Variants in CA10 observed in about 807,000 individuals in gnomAD.
CA10 encodes carbonic anhydrase 10 (inactive).
In CA10, 14 loss-of-function variants were observed where a neutral mutation model predicts 44.2. The ratio of observed to expected loss-of-function variants is 0.32; its 90% CI spans 0.21 to 0.50. The LOEUF (loss-of-function observed/expected upper bound fraction) is 0.50. Among genes scored for constraint, CA10 ranks in the 20% least tolerant of loss-of-function variants. The pLI is 0.99. For synonymous variants in CA10, 159 were observed against 141.6 expected (o/e 1.12, Z -0.87); for missense variants, 350 against 409.7 (o/e 0.85, Z 1.26).
chr17:51,876,026 A>G (rs1980055432), intron 3 of CA10, among the ~76,000 whole-genome samples: 1 of 152,134 alleles, frequency 6.6e-6, no homozygotes, highest in Admixed American at 6.5e-5. Flanking sequence ...ATCCCATTGC[A>G]TGGGGACCAT....
intron 3 of CA10, among the ~76,000 whole-genome samples, chr17:51,849,802 A>G (rs1978708150): frequency 6.6e-6 from 1 of 152,208 alleles, no homozygotes; most frequent in Non-Finnish European, 1.5e-5. Flanking sequence ...GCAATGAGAT[A>G]TCACAGCCGC....
At chr17:51,817,497 C>A (rs183139995) in intron 3 of CA10, among the ~76,000 whole-genome samples, 1 of 152,246 alleles carries the variant, frequency 6.6e-6, no homozygotes, top group East Asian at 1.9e-4. Flanking sequence ...AGGATGCTAC[C>A]CTCCTCAGGC....
intron 4 of CA10, among the ~76,000 whole-genome samples, chr17:51,667,613 C>A (rs1244333697): frequency 6.6e-6 from 1 of 151,746 alleles, no homozygotes; most frequent in African/African-American, 2.4e-5. Flanking sequence ...CTTCCTGCTG[C>A]ACTCTGTGTG....
chr17:51,851,995 C>A (rs1042467393), intron 3 of CA10, among the ~76,000 whole-genome samples: 1 of 152,170 alleles, frequency 6.6e-6, no homozygotes, highest in Non-Finnish European at 1.5e-5. Context: ...GAAGTCCACA[C>A]ATAATAAAGA....
chr17:51,998,792 T>C (rs572778355), intron 2 of CA10, among the ~76,000 whole-genome samples: 1 of 152,142 alleles, frequency 6.6e-6, no homozygotes, highest in East Asian at 2.0e-4. Context: ...AGAATAATTC[T>C]CAGTAATAAT....
intron 1 of CA10, among the ~76,000 whole-genome samples, chr17:52,075,338 AT>A (rs1987791015): frequency 6.6e-6 from 1 of 152,198 alleles, no homozygotes; most frequent in East Asian, 1.9e-4. Context: ...AGATTCCAGA[AT>A]CCACAAGTGG....
At chr17:52,135,803 T>C (rs1399043578) in intron 1 of CA10, among the ~76,000 whole-genome samples, 2 of 152,196 alleles carry the variant, frequency 1.3e-5, no homozygotes, top group Non-Finnish European at 2.9e-5. Flanking sequence ...GGGGTCTTCT[T>C]AAAGCATAAC....
chr17:51,924,094 C>A (rs989303618), intron 3 of CA10, among the ~76,000 whole-genome samples: 3 of 152,010 alleles, frequency 2.0e-5, no homozygotes, highest in African/African-American at 7.3e-5. Context: ...AAGTAAGGTG[C>A]TTAAGAAGCC....
chr17:51,901,408 C>T (rs539740978), intron 3 of CA10, among the ~76,000 whole-genome samples: 1 of 152,096 alleles, frequency 6.6e-6, no homozygotes, highest in Non-Finnish European at 1.5e-5. Flanking sequence ...GAGGTATTCC[C>T]TAGCCACAAT....
intron 2 of CA10, among the ~76,000 whole-genome samples, chr17:51,951,930 C>T (rs1396231709): frequency 6.6e-6 from 1 of 152,064 alleles, no homozygotes; most frequent in African/African-American, 2.4e-5. Flanking sequence ...ATTTTTAATG[C>T]TGTGCTCATC....
At chr17:51,735,085 A>G (rs1332133611) in intron 4 of CA10, among the ~76,000 whole-genome samples, 2 of 152,206 alleles carry the variant, frequency 1.3e-5, no homozygotes, top group South Asian at 2.1e-4. Flanking sequence ...GAACCAACTC[A>G]CAACTGCTCA....
chr17:52,003,924 T>C (rs547707511), intron 2 of CA10, among the ~76,000 whole-genome samples: 271 of 130,402 alleles, frequency 2.1e-3, no homozygotes, highest in African/African-American at 8.4e-3. Context: ...TAGATACTTA[T>C]AGTAAAAACT....
chr17:51,920,146 CTTGAA>C, intron 3 of CA10, among the ~76,000 whole-genome samples: 1 of 152,260 alleles, frequency 6.6e-6, no homozygotes, highest in East Asian at 1.9e-4. Context: ...TCTGGGATAA[CTTGAA>C]TTTTCTCTCA....
At chr17:51,977,521 AG>A (rs1984504753) in intron 2 of CA10, among the ~76,000 whole-genome samples, 1 of 152,104 alleles carries the variant, frequency 6.6e-6, no homozygotes, top group East Asian at 1.9e-4. Flanking sequence ...TTAGCAAACT[AG>A]AAATGGGGGG....
chr17:51,804,469 G>A (rs368202764), intron 3 of CA10, among the ~76,000 whole-genome samples: 2 of 152,244 alleles, frequency 1.3e-5, no homozygotes, highest in East Asian at 3.9e-4. Context: ...TATTTATTGG[G>A]TCTTCTCTTT....
In CA10 at chr17:51,735,523, C is replaced by T. The variant is rs115120568; in HGVS notation, c.465+12110G>A. Among the ~76,000 whole-genome samples the T allele has an allele frequency of 3.9e-3, 575 of 146,982 alleles. 2 individuals carry two copies. Among genetic ancestry groups the T allele is most frequent in the African/African-American group, 0.013 (545 of 40,416 alleles). On this transcript the variant is annotated intron_variant, in intron 4 of 8. Transcript: ENST00000451037. ...GCAACAAACACGAACATGTACCCCC[C>T]ACCCCGAATCTAAAATAAAAGTTGA...
At chr17:52,028,932 C>A (rs1447213305) in intron 2 of CA10, among the ~76,000 whole-genome samples, 2 of 152,210 alleles carry the variant, frequency 1.3e-5, no homozygotes, top group South Asian at 2.1e-4. Context: ...CTCTTCCCAA[C>A]TTGTGGCCTG....
chr17:51,788,608 A>G (rs1005498496), intron 3 of CA10, among the ~76,000 whole-genome samples: 1 of 152,200 alleles, frequency 6.6e-6, no homozygotes, highest in Non-Finnish European at 1.5e-5. Context: ...AATACGTGCA[A>G]TTATTATGTA....
chr17:51,894,349 A>G (rs1216992064), intron 3 of CA10, among the ~76,000 whole-genome samples: 2 of 152,106 alleles, frequency 1.3e-5, no homozygotes, highest in Admixed American at 1.3e-4. Flanking sequence ...CTGGTGAATC[A>G]TCTGTGAGAG....
Sources: gnomAD v4.1 joint callset for allele counts (sites outside exome capture counted in the v4.1 genomes callset) on GRCh38, gnomAD v4.1.1 for gene constraint, MANE v1.5 for transcripts, NCBI Gene and HGNC (gene_info 2026-07-23, HGNC 2026-07-21) for gene names.